SUMF1: variants seen among roughly 807,000 people sequenced by gnomAD.
SUMF1 encodes the protein sulfatase modifying factor 1.
SUMF1 carries 48 observed loss-of-function variants against 47.6 expected under a neutral mutation model. The observed-to-expected ratio is 1.01, with a 90% CI of 0.80 to 1.28. The LOEUF is 1.28. Among genes scored for constraint, SUMF1 ranks in the 50% most tolerant of loss-of-function variants. The pLI is 0.00. For missense variants in SUMF1, 571 were observed against 485.4 expected, an observed-to-expected ratio of 1.18 and a Z score of -1.66; for synonymous variants, 230 against 192.1, an observed-to-expected ratio of 1.20 and a Z score of -1.63.
chr3:4,268,037 C>T (rs1463537243), intron 8 of SUMF1, among the ~76,000 whole-genome samples: 1 of 152,132 alleles, frequency 6.6e-6, no homozygotes, highest in Non-Finnish European at 1.5e-5. Flanking sequence ...ACATATACAA[C>T]ATGGAATACT....
chr3:4,304,591 G>A (rs6792019), intron 8 of SUMF1, among the ~76,000 whole-genome samples: 5,437 of 152,250 alleles, frequency 0.036, 262 homozygotes, highest in African/African-American at 0.1. Context: ...CCCAGAGCCT[G>A]AGTTTCTTCA....
intron 9 of SUMF1, among the ~76,000 whole-genome samples, chr3:4,066,691 G>A (rs942836525): frequency 6.6e-6 from 1 of 152,114 alleles, no homozygotes; most frequent in East Asian, 1.9e-4. Flanking sequence ...AAAGAACAGA[G>A]TTGAGGCTTG....
At chr3:4,231,736 T>C (rs775546354) in intron 8 of SUMF1, among the ~76,000 whole-genome samples, 3 of 152,044 alleles carry the variant, frequency 2.0e-5, no homozygotes, top group Non-Finnish European at 4.4e-5. Context: ...ATCTGAGAAG[T>C]GTGTCAACAG....
At chr3:4,150,124 G>GGTCT (rs1553603982) in intron 8 of SUMF1, among the ~76,000 whole-genome samples, 1 of 65,600 alleles carries the variant, frequency 1.5e-5, no homozygotes, top group South Asian at 3.7e-4. Flanking sequence ...CAGGGGTCAA[G>GGTCT]GTCTGTGTCT....
intron 8 of SUMF1, among the ~76,000 whole-genome samples, chr3:4,257,450 A>G (rs1294359804): frequency 6.7e-6 from 1 of 149,896 alleles, no homozygotes; most frequent in Non-Finnish European, 1.5e-5. Context: ...AATCACAAGC[A>G]TTCTTATACA....
At chr3:4,083,109 GC>G (rs1692601679) in intron 8 of SUMF1, among the ~76,000 whole-genome samples, 1 of 152,090 alleles carries the variant, frequency 6.6e-6, no homozygotes, top group South Asian at 2.1e-4. Flanking sequence ...GGATAAACAT[GC>G]CCAGACTGAA....
At chr3:4,324,896 A>C (rs977647684) in intron 8 of SUMF1, among the ~76,000 whole-genome samples, 9 of 152,112 alleles carry the variant, frequency 5.9e-5, no homozygotes, top group Non-Finnish European at 1.3e-4. Context: ...AGACATACCC[A>C]AAACTGGGTA....
At chr3:4,435,087 C>A (rs1320351608) in intron 3 of SUMF1, among the ~76,000 whole-genome samples, 1 of 152,086 alleles carries the variant, frequency 6.6e-6, no homozygotes. Context: ...CCACCACACC[C>A]GGCTGATTTT....
intron 8 of SUMF1, among the ~76,000 whole-genome samples, chr3:4,293,165 T>C (rs926527394): frequency 1.3e-5 from 2 of 152,204 alleles, no homozygotes; most frequent in Non-Finnish European, 2.9e-5. Context: ...CTGCCTGTTA[T>C]GACCAATCAT....
In SUMF1 at chr3:4,087,252, G is replaced by A. The variant is rs769693455; in HGVS notation, c.1015-18507C>T. ...CAAGGTATTTAATCTGATTGCCTCAGCTTTCTGATCTCGCAGACATGGAGC... is the reference window on the plus strand; with the variant it reads ...CAAGGTATTTAATCTGATTGCCTCAACTTTCTGATCTCGCAGACATGGAGC... On this transcript the variant is annotated intron_variant and NMD_transcript_variant, in intron 8 of 12. Transcript: ENST00000448413. Among the ~76,000 whole-genome samples the A allele has an allele frequency of 2.0e-5, 3 of 152,190 alleles. 1 individual carries two copies. Among genetic ancestry groups the A allele is most frequent in the African/African-American group, 7.2e-5 (3 of 41,416 alleles).
chr3:4,090,910 T>G (rs1162520856), intron 8 of SUMF1, among the ~76,000 whole-genome samples: 1 of 151,978 alleles, frequency 6.6e-6, no homozygotes, highest in Non-Finnish European at 1.5e-5. Flanking sequence ...TGAAACCTCA[T>G]CTCTACTAAA....
chr3:4,231,599 C>A (rs1312709238), intron 8 of SUMF1, among the ~76,000 whole-genome samples: 1 of 152,106 alleles, frequency 6.6e-6, no homozygotes, highest in Non-Finnish European at 1.5e-5. Context: ...TATGCCCTTT[C>A]CTGCTTTGCA....
intron 8 of SUMF1, among the ~76,000 whole-genome samples, chr3:4,312,134 C>A (rs533969364): frequency 2.0e-5 from 3 of 152,018 alleles, no homozygotes; most frequent in Non-Finnish European, 4.4e-5. Context: ...CTAGTAATAT[C>A]TATTTAAGAA....
At chr3:4,408,041 T>C (rs1701428562) in intron 7 of SUMF1, among the ~76,000 whole-genome samples, 1 of 152,194 alleles carries the variant, frequency 6.6e-6, no homozygotes, top group Admixed American at 6.5e-5. Context: ...GGTAAATCCT[T>C]TCCAGAGACA....
intron 8 of SUMF1, among the ~76,000 whole-genome samples, chr3:4,329,755 C>A (rs1699013958): frequency 6.9e-6 from 1 of 145,658 alleles, no homozygotes; most frequent in South Asian, 2.2e-4. Context: ...TGAATTTCTC[C>A]TTAGAAAATG....
chr3:4,231,741 C>T (rs1696303935), intron 8 of SUMF1, among the ~76,000 whole-genome samples: 1 of 152,090 alleles, frequency 6.6e-6, no homozygotes, highest in Admixed American at 6.6e-5. Flanking sequence ...AGAAGTGTGT[C>T]AACAGCTGCA....
chr3:4,316,733 A>G, intron 8 of SUMF1: 1 of 1,550,918 alleles, frequency 6.4e-7, no homozygotes, highest in Non-Finnish European at 8.7e-7. Context: ...GGTTGGATCA[A>G]GAAGAAGCTC....
intron 9 of SUMF1, among the ~76,000 whole-genome samples, chr3:4,041,611 A>C (rs960498807): frequency 6.6e-6 from 1 of 152,172 alleles, no homozygotes; most frequent in Non-Finnish European, 1.5e-5. Flanking sequence ...CAGACCAGAC[A>C]CAAGTTGGGG....
chr3:4,447,447 A>G (rs183833849), intron 3 of SUMF1, among the ~76,000 whole-genome samples: 24 of 152,268 alleles, frequency 1.6e-4, no homozygotes, highest in Non-Finnish European at 2.6e-4. Context: ...CTAAAAGGAA[A>G]GTGCTTTCTC....
Sources: gnomAD v4.1 joint callset for allele counts (sites outside exome capture counted in the v4.1 genomes callset) on GRCh38, gnomAD v4.1.1 for gene constraint, MANE v1.5 for transcripts, NCBI Gene and HGNC (gene_info 2026-07-23, HGNC 2026-07-21) for gene names.